MAP3K13: variants seen among roughly 807,000 people sequenced by gnomAD.
The protein encoded by MAP3K13 is leucine zipper-bearing kinase.
Under a neutral mutation model 104.0 loss-of-function variants are expected in MAP3K13, and 52 were observed. That is an observed-to-expected ratio of 0.50 (90% CI 0.40 to 0.63). The LOEUF is 0.63. Among genes scored for constraint, MAP3K13 ranks in the 20% least tolerant of loss-of-function variants. The probability of loss-of-function intolerance (pLI) is 0.00; values close to 1 mark genes in which losing one functional copy is unlikely to be tolerated. For missense variants in MAP3K13, 914 were observed against 1,218.5 expected (o/e 0.75, Z 3.72); for synonymous variants, 394 against 442.2 (o/e 0.89, Z 1.37).
upstream of MAP3K13, among the ~76,000 whole-genome samples, chr3:185,361,519 G>A (rs1723624977): frequency 1.3e-5 from 2 of 151,850 alleles, no homozygotes; most frequent in Non-Finnish European, 2.9e-5. Flanking sequence ...TCCTGCCTCA[G>A]CCTCCCGAGT....
At chr3:185,298,337 T>TA (rs1213190413) in intron 2 of MAP3K13, among the ~76,000 whole-genome samples, 2 of 152,244 alleles carry the variant, frequency 1.3e-5, no homozygotes, top group African/African-American at 2.4e-5. Context: ...ATGTATGTTT[T>TA]AAAAAAACCA....
intron 2 of MAP3K13, among the ~76,000 whole-genome samples, chr3:185,316,139 C>A (rs565770921): frequency 2.7e-4 from 41 of 152,086 alleles, no homozygotes; most frequent in African/African-American, 7.0e-4. Flanking sequence ...TATATTTGAG[C>A]TAAAATATGT....
At chr3:185,388,365 G>C (rs887354031) in intron 1 of MAP3K13, among the ~76,000 whole-genome samples, 1 of 152,058 alleles carries the variant, frequency 6.6e-6, no homozygotes, top group East Asian at 1.9e-4. Flanking sequence ...AGCCGGATGT[G>C]GTGGCATGCA....
At chr3:185,470,935 T>C (rs765275473) in intron 10 of MAP3K13, among the ~76,000 whole-genome samples, 89 of 152,254 alleles carry the variant, frequency 5.8e-4, no homozygotes, top group Non-Finnish European at 8.4e-4. Context: ...CCTGGAAATG[T>C]ATCCATGTCA....
chr3:185,471,451 C>CTTTTTTTTTT (rs71164510), intron 10 of MAP3K13, among the ~76,000 whole-genome samples: 2 of 75,442 alleles, frequency 2.7e-5, no homozygotes, highest in Non-Finnish European at 4.6e-5. Context: ...ACGACCTTTA[C>CTTTTTTTTTT]TTTTTTTTTT....
chr3:185,453,871 C>CATATATATGAGATATATATATATGATAT (rs1716051758), intron 7 of MAP3K13, among the ~76,000 whole-genome samples: 1 of 67,910 alleles, frequency 1.5e-5, no homozygotes, highest in African/African-American at 5.1e-5. Flanking sequence ...ATATATGATA[C>CATATATATGAGATATATATATATGATAT]ATATATATGA....
chr3:185,288,078 C>A (rs1342163769), intron 2 of MAP3K13, among the ~76,000 whole-genome samples: 1 of 152,094 alleles, frequency 6.6e-6, no homozygotes, highest in Non-Finnish European at 1.5e-5. Flanking sequence ...TTCCTAATGT[C>A]CTTGGGATTA....
chr3:185,442,328 A>G (rs1363297532), intron 3 of MAP3K13, among the ~76,000 whole-genome samples: 1 of 152,064 alleles, frequency 6.6e-6, no homozygotes, highest in Admixed American at 6.5e-5. Context: ...CATGAAAAAA[A>G]AAAAGAAATG....
chr3:185,316,758 A>G (rs1721689741), intron 2 of MAP3K13, among the ~76,000 whole-genome samples: 1 of 152,226 alleles, frequency 6.6e-6, no homozygotes, highest in Admixed American at 6.5e-5. Flanking sequence ...CTCTGTCCCC[A>G]ACCACAACAA....
At chr3:185,458,803 C>A (rs895248027) in intron 7 of MAP3K13, among the ~76,000 whole-genome samples, 2 of 152,170 alleles carry the variant, frequency 1.3e-5, no homozygotes, top group East Asian at 3.8e-4. Flanking sequence ...TGAGAAAACG[C>A]GGCATTTGTT....
At chr3:185,435,832 T>C (rs1184975502) in intron 2 of MAP3K13, among the ~76,000 whole-genome samples, 1 of 152,244 alleles carries the variant, frequency 6.6e-6, no homozygotes, top group Non-Finnish European at 1.5e-5. Context: ...AGCTCACTTC[T>C]AGAGGCAGAT....
upstream of MAP3K13, among the ~76,000 whole-genome samples, chr3:185,361,098 ATGTG>A (rs34760922): frequency 0.089 from 13,075 of 146,518 alleles, 615 homozygotes; most frequent in East Asian, 0.13. Flanking sequence ...ATATATATAT[ATGTG>A]TGTGTGTGTG....
intron 1 of MAP3K13, among the ~76,000 whole-genome samples, chr3:185,413,716 G>C (rs1035282336): frequency 1.3e-5 from 2 of 152,096 alleles, no homozygotes; most frequent in Non-Finnish European, 2.9e-5. Context: ...CAGCTACTCG[G>C]GAGGCTGAGG....
Position 185,440,069 on chromosome 3 carries a change from A to AGT in MAP3K13, c.659+2440_659+2441dup, listed in dbSNP as rs2148890570. ...TTTCTGTGCTTACAGCTTCTTTTGA[A>AGT]GTTAATAAAAACCACATACAGAAGG... On this transcript the variant is annotated intron_variant, in intron 3 of 13. Transcript: ENST00000265026. Among the ~76,000 whole-genome samples the AGT allele has an allele frequency of 2.6e-5, 4 of 152,354 alleles. No individual in the cohort carries two copies. In the East Asian group the frequency reaches 7.7e-4, roughly 29 times the overall value.
intron 2 of MAP3K13, among the ~76,000 whole-genome samples, chr3:185,355,134 C>T (rs1180277033): frequency 6.6e-6 from 1 of 152,104 alleles, no homozygotes; most frequent in Non-Finnish European, 1.5e-5. Context: ...ATTATTATTT[C>T]TGGAATTTAG....
At chr3:185,289,936 G>C (rs1469104368) in intron 2 of MAP3K13, among the ~76,000 whole-genome samples, 2 of 152,146 alleles carry the variant, frequency 1.3e-5, no homozygotes, top group African/African-American at 4.8e-5. Context: ...AAACTCTAGA[G>C]TAATACAGAC....
At chr3:185,424,792 T>TCTAGG (rs1295991614) in intron 1 of MAP3K13, among the ~76,000 whole-genome samples, 1 of 152,184 alleles carries the variant, frequency 6.6e-6, no homozygotes, top group African/African-American at 2.4e-5. Flanking sequence ...ATCCACAGAA[T>TCTAGG]CTAGGCTAGT....
At chr3:185,437,000 CAAAAAAAAAAAAAAAAA>C (rs58819806) in intron 2 of MAP3K13, among the ~76,000 whole-genome samples, 2 of 36,946 alleles carry the variant, frequency 5.4e-5, no homozygotes, top group Non-Finnish European at 9.3e-5. Context: ...GACTCTGTCT[CAAAAAAAAAAAAAAAAA>C]AAAAAAAAAA....
intron 1 of MAP3K13, among the ~76,000 whole-genome samples, chr3:185,284,822 T>C (rs867662665): frequency 6.6e-5 from 10 of 152,210 alleles, no homozygotes; most frequent in Middle Eastern, 3.4e-3. Context: ...AAACAACTAC[T>C]GTAACCAGAT....
Sources: allele counts gnomAD v4.1 joint callset (sites outside exome capture counted in the v4.1 genomes callset), GRCh38; gene constraint gnomAD v4.1.1; transcripts MANE v1.5; gene names NCBI Gene and HGNC (gene_info 2026-07-23, HGNC 2026-07-21).